EPM2A: variants seen among roughly 807,000 people sequenced by gnomAD.
EPM2A encodes the protein laforin.
EPM2A carries 21 observed loss-of-function variants against 26.5 expected under a neutral mutation model. The ratio of observed to expected loss-of-function variants is 0.79; its 90% confidence interval spans 0.56 to 1.14. The LOEUF is 1.14. Ranked by LOEUF, EPM2A falls within the 50% of genes most tolerant of loss-of-function variation. The probability of loss-of-function intolerance (pLI) is 0.00; values close to 1 mark genes in which losing one functional copy is unlikely to be tolerated. For synonymous variants in EPM2A, 217 were observed against 177.6 expected (o/e 1.22, Z -1.76); for missense variants, 458 against 440.8 (o/e 1.04, Z -0.35).
At chr6:145,458,256 TG>T (rs1435818593) in intron 4 of EPM2A, among the ~76,000 whole-genome samples, 3 of 152,210 alleles carry the variant, frequency 2.0e-5, no homozygotes, top group Non-Finnish European at 4.4e-5. Context: ...CAATGATAAA[TG>T]TTCCAGAAAA....
At chr6:145,496,806 C>T (rs571387854), downstream of EPM2A, among the ~76,000 whole-genome samples, 36 of 143,200 alleles carry the variant, frequency 2.5e-4, no homozygotes, top group East Asian at 6.5e-3. Flanking sequence ...GGCACAATCT[C>T]GGCTCACTGC....
chr6:145,685,295 A>G (rs1319906978), intron 2 of EPM2A, among the ~76,000 whole-genome samples: 1 of 152,190 alleles, frequency 6.6e-6, no homozygotes, highest in Non-Finnish European at 1.5e-5. Context: ...TACTCTTACA[A>G]TGTAGGAAAC....
chr6:145,732,201 TTGTGTG>T (rs66889564), intron 1 of EPM2A, among the ~76,000 whole-genome samples: 368 of 138,528 alleles, frequency 2.7e-3, no homozygotes, highest in South Asian at 7.0e-3. Context: ...CAGCTAAGAC[TTGTGTG>T]TGTGTGTGTG....
intron 2 of EPM2A, among the ~76,000 whole-genome samples, chr6:145,641,982 A>T (rs928516233): frequency 3.9e-5 from 6 of 152,190 alleles, no homozygotes; most frequent in Admixed American, 1.3e-4. Context: ...ACAGTCTCTC[A>T]GACTCACAAC....
chr6:145,431,100 T>C (rs1198141161), intron 4 of EPM2A, among the ~76,000 whole-genome samples: 2 of 152,100 alleles, frequency 1.3e-5, no homozygotes, highest in Non-Finnish European at 2.9e-5. Flanking sequence ...GAAGAACAAA[T>C]AAAATCACCA....
Position 145,438,609 on chromosome 6 carries a change from G to T in EPM2A, c.556-54512C>A, listed in dbSNP as rs192395001. On this transcript the variant is annotated intron_variant, in intron 4 of 4. Transcript: ENST00000638717. ...CTGCCTCAGCCTCCTGAGTAGCCGGGATTACAGGCACACGCCACCACACCC... is the reference window on the plus strand; with the variant it reads ...CTGCCTCAGCCTCCTGAGTAGCCGGTATTACAGGCACACGCCACCACACCC... Among the ~76,000 whole-genome samples, 796 of 151,712 alleles carry T rather than the reference G, an allele frequency of 5.2e-3. 3 individuals are homozygous for T. Among genetic ancestry groups the T allele is most frequent in the African/African-American group, 0.018 (763 of 41,352 alleles).
At chr6:145,412,418 G>C (rs778545982) in intron 4 of EPM2A, among the ~76,000 whole-genome samples, 68 of 152,048 alleles carry the variant, frequency 4.5e-4, no homozygotes, top group East Asian at 2.5e-3. Context: ...ATGTCAATAG[G>C]CACCTTACAA....
intron 2 of EPM2A, among the ~76,000 whole-genome samples, chr6:145,514,095 T>C (rs1030331136): frequency 6.6e-6 from 1 of 152,170 alleles, no homozygotes; most frequent in Non-Finnish European, 1.5e-5. Flanking sequence ...TGATTTCTCT[T>C]CAAAGCACAT....
At chr6:145,696,215 T>A (rs1484596836) in intron 1 of EPM2A, among the ~76,000 whole-genome samples, 1 of 151,990 alleles carries the variant, frequency 6.6e-6, no homozygotes, top group Non-Finnish European at 1.5e-5. Context: ...TTAAAGAACA[T>A]CTTCAGACAA....
chr6:145,565,845 G>A (rs1780877721), intron 2 of EPM2A, among the ~76,000 whole-genome samples: 1 of 152,146 alleles, frequency 6.6e-6, no homozygotes, highest in Non-Finnish European at 1.5e-5. Context: ...TAAAGAAACA[G>A]AAATCAAGAA....
rs76970713 is a variant in EPM2A, at chr6:145,443,810, G to A, written c.555+58712C>T. Among the ~76,000 whole-genome samples the A allele has an allele frequency of 1.1e-4, 17 of 152,226 alleles. No homozygotes were observed. The East Asian group carries it at 2.1e-3, about 19-fold the overall frequency. On this transcript the variant is annotated intron_variant, in intron 4 of 4. Transcript: ENST00000638717. ...GGGTGGGTATTTCCCATGGTGTCTC[G>A]TGATAGCAAATGGGTTTCATGAGAT...
At chr6:145,433,303 C>T (rs908862182) in intron 4 of EPM2A, among the ~76,000 whole-genome samples, 1 of 152,094 alleles carries the variant, frequency 6.6e-6, no homozygotes, top group Admixed American at 6.6e-5. Context: ...TAATTTCTAG[C>T]TTTTTATTTA....
intron 4 of EPM2A, among the ~76,000 whole-genome samples, chr6:145,386,636 C>A (rs1465613214): frequency 6.6e-6 from 1 of 152,116 alleles, no homozygotes; most frequent in African/African-American, 2.4e-5. Flanking sequence ...TTAAACACAG[C>A]CACTTGTTTG....
chr6:145,709,645 T>C (rs193089008), intron 1 of EPM2A, among the ~76,000 whole-genome samples: 1 of 152,312 alleles, frequency 6.6e-6, no homozygotes, highest in Admixed American at 6.5e-5. Context: ...GACTAATACA[T>C]CATCTAAATA....
chr6:145,660,019 T>A (rs773858124), intron 2 of EPM2A, among the ~76,000 whole-genome samples: 10 of 152,174 alleles, frequency 6.6e-5, no homozygotes, highest in Non-Finnish European at 1.2e-4. Context: ...GGGAGCTGAT[T>A]TGTGAATCAT....
chr6:145,580,851 A>C (rs1395909046), intron 2 of EPM2A, among the ~76,000 whole-genome samples: 1 of 152,166 alleles, frequency 6.6e-6, no homozygotes. Context: ...ACATGATCTC[A>C]TTCTTTTCTA....
intron 2 of EPM2A, among the ~76,000 whole-genome samples, chr6:145,607,195 C>T (rs1400176868): frequency 1.3e-5 from 2 of 152,126 alleles, no homozygotes; most frequent in Non-Finnish European, 2.9e-5. Context: ...TTTTATACCT[C>T]AGTTTACCTT....
chr6:145,589,677 T>C (rs564029840), intron 2 of EPM2A, among the ~76,000 whole-genome samples: 7 of 152,206 alleles, frequency 4.6e-5, no homozygotes, highest in African/African-American at 1.7e-4. Context: ...AATGAAAAGA[T>C]TAATAATATC....
chr6:145,732,776 TGCAC>T (rs760976358), intron 1 of EPM2A, among the ~76,000 whole-genome samples: 43 of 152,210 alleles, frequency 2.8e-4, no homozygotes, highest in Non-Finnish European at 4.0e-4. Flanking sequence ...CGAGTCTAAT[TGCAC>T]AACGTGGTTT....
Sources: gnomAD v4.1 joint callset for allele counts (sites outside exome capture counted in the v4.1 genomes callset) on GRCh38, gnomAD v4.1.1 for gene constraint, MANE v1.5 for transcripts, NCBI Gene and HGNC (gene_info 2026-07-23, HGNC 2026-07-21) for gene names.